VWC2: variants seen among roughly 807,000 people sequenced by gnomAD.
The protein encoded by VWC2 is von Willebrand factor C domain containing 2.
A neutral mutation model predicts 29.8 loss-of-function variants in VWC2; 14 were observed. That is an observed-to-expected ratio of 0.47 (90% CI 0.31 to 0.74). VWC2 has a LOEUF of 0.74. Ranked by LOEUF, VWC2 falls within the 30% of genes least tolerant of loss-of-function variation. The pLI is 0.05. For synonymous variants in VWC2, 213 were observed against 199.0 expected, an observed-to-expected ratio of 1.07 and a Z score of -0.59; for missense variants, 457 against 459.8, an observed-to-expected ratio of 0.99 and a Z score of 0.05.
chr7:49,784,037 G>A (rs1191526446), intron 2 of VWC2, among the ~76,000 whole-genome samples: 1 of 152,184 alleles, frequency 6.6e-6, no homozygotes, highest in Non-Finnish European at 1.5e-5. Context: ...GAATATGGAG[G>A]ATAGCCTGAC....
intron 3 of VWC2, among the ~76,000 whole-genome samples, chr7:49,807,511 A>G (rs923727770): frequency 6.6e-6 from 1 of 152,214 alleles, no homozygotes; most frequent in South Asian, 2.1e-4. Flanking sequence ...CTAACCTGAC[A>G]TCACAGGACA....
intron 2 of VWC2, among the ~76,000 whole-genome samples, chr7:49,799,036 G>A (rs1351394491): frequency 6.6e-6 from 1 of 152,180 alleles, no homozygotes; most frequent in Non-Finnish European, 1.5e-5. Context: ...TTCACCAAAC[G>A]AGGAGCATGG....
chr7:49,786,457 G>T (rs1788300593), intron 2 of VWC2, among the ~76,000 whole-genome samples: 1 of 152,296 alleles, frequency 6.6e-6, no homozygotes, highest in East Asian at 1.9e-4. Flanking sequence ...GAGTGCATGT[G>T]TCATTTTGGT....
At chr7:49,888,835 C>T (rs1225129415) in intron 3 of VWC2, among the ~76,000 whole-genome samples, 5 of 152,076 alleles carry the variant, frequency 3.3e-5, no homozygotes, top group African/African-American at 1.2e-4. Context: ...CGCTTGAACT[C>T]GGGAGGCGGA....
At chr7:49,887,780 T>G (rs1012742265) in intron 3 of VWC2, among the ~76,000 whole-genome samples, 2 of 152,208 alleles carry the variant, frequency 1.3e-5, no homozygotes, top group African/African-American at 4.8e-5. Flanking sequence ...GCACTTCCAC[T>G]GTCTGGAATG....
At chr7:49,871,131 G>A (rs1304474523) in intron 3 of VWC2, among the ~76,000 whole-genome samples, 3 of 152,106 alleles carry the variant, frequency 2.0e-5, no homozygotes, top group Non-Finnish European at 2.9e-5. Context: ...AATACAAAAG[G>A]TGATAAAGGA....
At chr7:49,807,144 G>C (rs1280127551) in intron 3 of VWC2, among the ~76,000 whole-genome samples, 2 of 152,122 alleles carry the variant, frequency 1.3e-5, no homozygotes, top group South Asian at 4.1e-4. Flanking sequence ...AGAAATTAAA[G>C]AAGACCTAAG....
intron 2 of VWC2, among the ~76,000 whole-genome samples, chr7:49,781,549 A>G (rs1344330434): frequency 3.3e-5 from 5 of 152,196 alleles, no homozygotes; most frequent in Non-Finnish European, 7.3e-5. Flanking sequence ...AAAGTTAAAT[A>G]GCTTGATCAA....
At chr7:49,865,811 C>A (rs1790860801) in intron 3 of VWC2, among the ~76,000 whole-genome samples, 1 of 152,192 alleles carries the variant, frequency 6.6e-6, no homozygotes, top group African/African-American at 2.4e-5. Context: ...CTTATCCCAG[C>A]ACCCAGAATG....
chr7:49,860,532 G>A (rs1433654676), intron 3 of VWC2, among the ~76,000 whole-genome samples: 2 of 152,208 alleles, frequency 1.3e-5, no homozygotes, highest in African/African-American at 4.8e-5. Context: ...TCCTATCTGT[G>A]TGGCCACTGT....
intron 3 of VWC2, among the ~76,000 whole-genome samples, chr7:49,852,553 G>T (rs1238917735): frequency 6.6e-6 from 1 of 152,028 alleles, no homozygotes; most frequent in African/African-American, 2.4e-5. Context: ...TCATACCTGG[G>T]GATAATGCTA....
chr7:49,804,897 C>T (rs1191756144), intron 3 of VWC2, among the ~76,000 whole-genome samples: 1 of 152,134 alleles, frequency 6.6e-6, no homozygotes, highest in African/African-American at 2.4e-5. Flanking sequence ...AGACTACCAC[C>T]AACCTGAAAC....
intron 3 of VWC2, among the ~76,000 whole-genome samples, chr7:49,896,039 T>C (rs1028569848): frequency 6.6e-5 from 10 of 152,124 alleles, no homozygotes; most frequent in African/African-American, 1.9e-4. Context: ...AAGTAAACGT[T>C]TAATGAAAAA....
chr7:49,904,886 C>T (rs1406516203), intron 3 of VWC2, among the ~76,000 whole-genome samples: 2 of 151,942 alleles, frequency 1.3e-5, no homozygotes, highest in Non-Finnish European at 2.9e-5. Context: ...TAGGCACCTG[C>T]CACTGCACCT....
intron 3 of VWC2, among the ~76,000 whole-genome samples, chr7:49,856,419 C>T (rs541297325): frequency 6.6e-6 from 1 of 152,310 alleles, no homozygotes; most frequent in South Asian, 2.1e-4. Flanking sequence ...TCCTGAGGTT[C>T]ACCAGAAAAA....
At chr7:49,867,447 T>C (rs1197731795) in intron 3 of VWC2, among the ~76,000 whole-genome samples, 2 of 152,024 alleles carry the variant, frequency 1.3e-5, no homozygotes, top group Admixed American at 1.3e-4. Context: ...GAGGCGGAGG[T>C]GGGCCTCCCA....
At chr7:49,785,965 C>T (rs1438725325) in intron 2 of VWC2, among the ~76,000 whole-genome samples, 1 of 152,140 alleles carries the variant, frequency 6.6e-6, no homozygotes, top group Non-Finnish European at 1.5e-5. Flanking sequence ...AAGCTGTACA[C>T]CAGTGGAGCT....
chr7:49,810,713 T>A (rs1400316958), intron 3 of VWC2, among the ~76,000 whole-genome samples: 2 of 152,198 alleles, frequency 1.3e-5, no homozygotes, highest in African/African-American at 4.8e-5. Flanking sequence ...AGAAATCCAG[T>A]ATGCAAATCT....
intron 2 of VWC2, among the ~76,000 whole-genome samples, chr7:49,791,335 G>A (rs1382869598): frequency 2.0e-5 from 3 of 152,296 alleles, no homozygotes; most frequent in East Asian, 1.9e-4. Flanking sequence ...TGGGCTACGC[G>A]GAGAGACTGC....
Sources: gnomAD v4.1 joint callset for allele counts (sites outside exome capture counted in the v4.1 genomes callset) on GRCh38, gnomAD v4.1.1 for gene constraint, MANE v1.5 for transcripts, NCBI Gene and HGNC (gene_info 2026-07-23, HGNC 2026-07-21) for gene names.